Variants in SLC24A3 observed in about 807,000 individuals in gnomAD.
SLC24A3 encodes the protein sodium/potassium/calcium exchanger 3.
In SLC24A3, 28 loss-of-function variants were observed where a neutral mutation model predicts 75.8. That is an observed-to-expected ratio of 0.37 (90% CI 0.27 to 0.51). The LOEUF is 0.51. SLC24A3 is among the 20% of genes least tolerant of loss of function. The pLI is 0.94. For synonymous variants in SLC24A3, 372 were observed against 334.1 expected, an observed-to-expected ratio of 1.11 and a Z score of -1.24; for missense variants, 663 against 847.8, an observed-to-expected ratio of 0.78 and a Z score of 2.71.
chr20:19,305,320 A>G (rs1383507178), intron 2 of SLC24A3, among the ~76,000 whole-genome samples: 1 of 151,984 alleles, frequency 6.6e-6, no homozygotes, highest in Non-Finnish European at 1.5e-5. Flanking sequence ...CACCTCTTTG[A>G]ATGCCTTCTT....
intron 8 of SLC24A3, among the ~76,000 whole-genome samples, chr20:19,672,704 A>G (rs1038856704): frequency 1.8e-4 from 28 of 152,140 alleles, no homozygotes; most frequent in African/African-American, 6.3e-4. Context: ...CTATTTTATA[A>G]CCACCTGGCT....
At chr20:19,646,009 T>C (rs2032132618) in intron 6 of SLC24A3, among the ~76,000 whole-genome samples, 1 of 152,090 alleles carries the variant, frequency 6.6e-6, no homozygotes, top group Non-Finnish European at 1.5e-5. Flanking sequence ...GAGCCAAGAT[T>C]GCACCACTGC....
intron 1 of SLC24A3, among the ~76,000 whole-genome samples, chr20:19,270,245 A>G (rs1025811332): frequency 2.6e-5 from 4 of 151,982 alleles, no homozygotes; most frequent in African/African-American, 9.7e-5. Flanking sequence ...TGGTGCTTGG[A>G]CCAGCAGCAC....
intron 1 of SLC24A3, among the ~76,000 whole-genome samples, chr20:19,253,444 T>C (rs1423683615): frequency 1.3e-5 from 2 of 152,048 alleles, no homozygotes; most frequent in Non-Finnish European, 2.9e-5. Context: ...AGCAGTCAAA[T>C]TGGAATCCTC....
intron 2 of SLC24A3, among the ~76,000 whole-genome samples, chr20:19,327,067 A>G (rs567959680): frequency 3.0e-4 from 45 of 152,312 alleles, no homozygotes; most frequent in African/African-American, 1.1e-3. Flanking sequence ...CTTTAATTTA[A>G]AAAAACGTAC....
intron 2 of SLC24A3, among the ~76,000 whole-genome samples, chr20:19,386,664 A>T (rs6136702): frequency 0.12 from 18,050 of 152,168 alleles, 1,593 homozygotes; most frequent in East Asian, 0.32. Context: ...GCATCTATTG[A>T]GATGATCATG....
intron 2 of SLC24A3, among the ~76,000 whole-genome samples, chr20:19,483,210 T>C (rs1256016128): frequency 6.6e-6 from 1 of 152,182 alleles, no homozygotes; most frequent in Non-Finnish European, 1.5e-5. Context: ...GCAGCTGCAC[T>C]TGGTCACCAA....
chr20:19,616,946 C>T (rs956934835), intron 6 of SLC24A3, among the ~76,000 whole-genome samples: 4 of 152,160 alleles, frequency 2.6e-5, no homozygotes, highest in Non-Finnish European at 4.4e-5. Flanking sequence ...ATGGGCCAAA[C>T]GCCTACTCTT....
chr20:19,422,842 C>A (rs190622358), intron 2 of SLC24A3, among the ~76,000 whole-genome samples: 1 of 152,164 alleles, frequency 6.6e-6, no homozygotes, highest in Non-Finnish European at 1.5e-5. Flanking sequence ...GGGGGAAGAA[C>A]GAGCCCCCAT....
chr20:19,237,903 C>T (rs1335293484), intron 1 of SLC24A3, among the ~76,000 whole-genome samples: 2 of 152,180 alleles, frequency 1.3e-5, no homozygotes, highest in South Asian at 2.1e-4. Flanking sequence ...GTCGATTTTA[C>T]GGGTGCCTGA....
chr20:19,581,942 C>T (rs1789311896), intron 4 of SLC24A3, among the ~76,000 whole-genome samples: 1 of 152,202 alleles, frequency 6.6e-6, no homozygotes, highest in Non-Finnish European at 1.5e-5. Context: ...TCCCTGCTCC[C>T]ACCCCAAATC....
chr20:19,352,438 CATT>C (rs1985591035), intron 2 of SLC24A3, among the ~76,000 whole-genome samples: 1 of 152,202 alleles, frequency 6.6e-6, no homozygotes, highest in African/African-American at 2.4e-5. Context: ...AGGAAACTAA[CATT>C]ATTAACGGCT....
intron 15 of SLC24A3, among the ~76,000 whole-genome samples, chr20:19,705,313 G>A (rs1177474557): frequency 6.6e-6 from 1 of 152,124 alleles, no homozygotes; most frequent in Non-Finnish European, 1.5e-5. Flanking sequence ...AACCTCTCTG[G>A]ATCCTTTGTT....
intron 1 of SLC24A3, chr20:19,244,149 A>C (rs1475668259): frequency 6.6e-6 from 1 of 152,124 alleles, no homozygotes; most frequent in Non-Finnish European, 1.5e-5. Context: ...GCCATAATCC[A>C]GGCCTTTATC....
chr20:19,669,485 G>A (rs575163423), intron 8 of SLC24A3, among the ~76,000 whole-genome samples: 17 of 151,010 alleles, frequency 1.1e-4, no homozygotes, highest in African/African-American at 3.9e-4. Context: ...CTGGGTGACC[G>A]AGCAAGACTC....
At chr20:19,525,063 G>C (rs1306759744) in intron 3 of SLC24A3, among the ~76,000 whole-genome samples, 1 of 152,184 alleles carries the variant, frequency 6.6e-6, no homozygotes. Flanking sequence ...ATCATGACTT[G>C]AGACTTCAGA....
chr20:19,605,724 C>T (rs2031588413), intron 6 of SLC24A3, among the ~76,000 whole-genome samples: 2 of 152,228 alleles, frequency 1.3e-5, no homozygotes, highest in Admixed American at 1.3e-4. Flanking sequence ...TTTTAAGCTT[C>T]AGTTTTCCCC....
intron 2 of SLC24A3, among the ~76,000 whole-genome samples, chr20:19,293,997 C>A (rs6045968): frequency 1.3e-5 from 2 of 152,078 alleles, no homozygotes; most frequent in African/African-American, 2.4e-5. Flanking sequence ...TTGCATATAA[C>A]CTATGCACAT....
At chr20:19,494,298 G>A (rs573183483) in intron 2 of SLC24A3, among the ~76,000 whole-genome samples, 49 of 152,352 alleles carry the variant, frequency 3.2e-4, no homozygotes, top group Middle Eastern at 3.4e-3. Context: ...CTCCAGAATT[G>A]AAAATGCTTC....
Sources: gnomAD v4.1 joint callset for allele counts (sites outside exome capture counted in the v4.1 genomes callset) on GRCh38, gnomAD v4.1.1 for gene constraint, MANE v1.5 for transcripts, NCBI Gene and HGNC (gene_info 2026-07-23, HGNC 2026-07-21) for gene names.